The following ATP6V1C2 variants were observed in gnomAD, a reference collection of about 807,000 sequenced individuals.
The protein encoded by ATP6V1C2 is V-type proton ATPase subunit C 2.
A neutral mutation model predicts 56.8 loss-of-function variants in ATP6V1C2; 45 were observed. The observed-to-expected ratio is 0.79, with a 90% CI of 0.62 to 1.02. ATP6V1C2 has a LOEUF of 1.02. ATP6V1C2 is among the 50% of genes least tolerant of loss of function. The pLI, the probability that ATP6V1C2 is intolerant of heterozygous loss-of-function variation, is 0.00. For missense variants in ATP6V1C2, 463 were observed against 519.7 expected (o/e 0.89, Z 1.06); for synonymous variants, 220 against 201.3 (o/e 1.09, Z -0.79).
At chr2:10,747,749 C>G (rs900809320) in intron 3 of ATP6V1C2, among the ~76,000 whole-genome samples, 2 of 152,008 alleles carry the variant, frequency 1.3e-5, no homozygotes, top group African/African-American at 4.8e-5. Context: ...CATATTTTCT[C>G]AGATAATAAT....
At chr2:10,762,145 ATTTT>A in intron 4 of ATP6V1C2, among the ~76,000 whole-genome samples, 1 of 139,786 alleles carries the variant, frequency 7.2e-6, no homozygotes, top group East Asian at 2.1e-4. Context: ...TGAAGCATAA[ATTTT>A]TTTTTTTTTT....
Position 10,778,632 on chromosome 2 carries a change from A to T in ATP6V1C2, c.1024A>T (p.Ile342Phe). 1 of 1,614,150 alleles carries T rather than the reference A, an allele frequency of 6.2e-7. No homozygotes were observed. Among genetic ancestry groups the T allele is most frequent in the Non-Finnish European group, 8.5e-7 (1 of 1,180,002 alleles). The change falls in exon 12 of 14, where the codon ATC (isoleucine) becomes TTC (phenylalanine). Residue 342 changes from isoleucine (I) to phenylalanine (F), a missense_variant. Coordinates refer to ENST00000272238, the MANE Select transcript of ATP6V1C2 (RefSeq NM_001039362.2). The part of the protein sequence containing the change: ...FSEAFIAWIH[I>F]KALRVFVESV... ...TGAAGCCTTCATTGCCTGGATCCAC[A>T]TCAAGGCCCTGAGAGTGTTTGTGGA...
chr2:10,738,148 A>C (rs576429603), intron 3 of ATP6V1C2, among the ~76,000 whole-genome samples: 3 of 152,248 alleles, frequency 2.0e-5, no homozygotes, highest in Admixed American at 2.0e-4. Context: ...TTGTTGTTTG[A>C]AGAGTTAAGA....
chr2:10,725,489 ATTTTTTTTT>A (rs371459373), intron 2 of ATP6V1C2, among the ~76,000 whole-genome samples: 2 of 107,158 alleles, frequency 1.9e-5, no homozygotes, highest in African/African-American at 3.7e-5. Flanking sequence ...CCCAGCAAGA[ATTTTTTTTT>A]TTTTTTTTTT....
chr2:10,748,544 A>G (rs1043881987), intron 3 of ATP6V1C2, among the ~76,000 whole-genome samples: 3 of 152,284 alleles, frequency 2.0e-5, no homozygotes, highest in Admixed American at 6.5e-5. Context: ...CAACATCCCA[A>G]TCAAGGTCTT....
Position 10,726,585 on chromosome 2 carries a change from T to C in ATP6V1C2, c.197+16T>C. On this transcript the variant is annotated intron_variant, in intron 3 of 13. Transcript: ENST00000272238. ...TTGCTGAAAGGTAAAATATTCCTTA[T>C]TTACTACATACAAGTGAGAATTTGA... 1.3e-6 allele frequency: 2 copies of C among 1,599,268 alleles called. No individual in the cohort carries two copies. The highest frequency in any genetic ancestry group is 1.7e-6 in the Non-Finnish European group (2 of 1,166,554).
chr2:10,756,183 C>T (rs535177651), intron 4 of ATP6V1C2, among the ~76,000 whole-genome samples: 8 of 150,998 alleles, frequency 5.3e-5, no homozygotes, highest in Non-Finnish European at 1.0e-4. Context: ...ATGGTGAAAC[C>T]CCATCTCTAC....
intron 3 of ATP6V1C2, among the ~76,000 whole-genome samples, chr2:10,729,438 A>G (rs1362406622): frequency 1.3e-5 from 2 of 152,192 alleles, no homozygotes; most frequent in African/African-American, 4.8e-5. Context: ...ATAGAATAGC[A>G]TGAAAAAAAT....
chr2:10,764,441 G>C lies in ATP6V1C2; in HGVS notation c.378+16G>C. ...AATAGCCAAGGTGAGAAAAGGGACT[G>C]CTCTGGGGAACAGCTGACTGGTGGG... On this transcript the variant is annotated intron_variant, in intron 5 of 13. Transcript: ENST00000272238. The C allele has an allele frequency of 6.2e-7, 1 of 1,609,312 alleles. No homozygotes were observed. The highest frequency in any genetic ancestry group is 8.5e-7 in the Non-Finnish European group (1 of 1,175,762).
At chr2:10,768,278 G>A (rs1003197684) in intron 5 of ATP6V1C2, 12 of 169,282 alleles carry the variant, frequency 7.1e-5, no homozygotes, top group South Asian at 1.5e-4. Flanking sequence ...TCTTGTTTCT[G>A]TCCACTGCAC....
intron 12 of ATP6V1C2, among the ~76,000 whole-genome samples, chr2:10,779,531 C>T (rs144356657): frequency 0.083 from 12,391 of 149,528 alleles, 641 homozygotes; most frequent in South Asian, 0.15. Context: ...ACTAAAAATA[C>T]AAAAATTAGC....
intron 3 of ATP6V1C2, among the ~76,000 whole-genome samples, chr2:10,751,568 T>A (rs1322067319): frequency 1.3e-5 from 2 of 152,178 alleles, no homozygotes; most frequent in Non-Finnish European, 2.9e-5. Flanking sequence ...CAGGATGGGC[T>A]ACAGTGACGG....
At chr2:10,775,544 C>T (rs969167397) in intron 10 of ATP6V1C2, among the ~76,000 whole-genome samples, 1 of 152,194 alleles carries the variant, frequency 6.6e-6, no homozygotes, top group African/African-American at 2.4e-5. Context: ...CGCCACTAGC[C>T]CCTGTATTTA....
intron 4 of ATP6V1C2, among the ~76,000 whole-genome samples, chr2:10,755,095 G>A (rs950560390): frequency 6.6e-6 from 1 of 151,914 alleles, no homozygotes; most frequent in African/African-American, 2.4e-5. Flanking sequence ...TCGGCTCACC[G>A]CAACCTCCCC....
intron 4 of ATP6V1C2, among the ~76,000 whole-genome samples, chr2:10,754,771 G>A (rs1663434742): frequency 6.6e-6 from 1 of 151,324 alleles, no homozygotes; most frequent in Admixed American, 6.6e-5. Flanking sequence ...ATAGAGATGG[G>A]GTTTCACCAT....
upstream of ATP6V1C2, among the ~76,000 whole-genome samples, chr2:10,721,298 G>A (rs902704127): frequency 1.3e-5 from 2 of 152,074 alleles, no homozygotes; most frequent in African/African-American, 4.8e-5. Context: ...GCCGCAGCGG[G>A]AGGGCGGGGT....
At chr2:10,731,193 C>T (rs912197354) in intron 3 of ATP6V1C2, among the ~76,000 whole-genome samples, 4 of 152,196 alleles carry the variant, frequency 2.6e-5, no homozygotes, top group African/African-American at 9.6e-5. Context: ...TAGCAATCCT[C>T]CCACCTTGGC....
rs968156770 is a variant in ATP6V1C2, at chr2:10,776,566, G to A, written c.826-1019G>A. ...TAGGCTCAGCTCACCTGAAACCCTCGCTACCTGGGCACGCCCTGGCTGTTC... is the reference window on the plus strand; with the variant it reads ...TAGGCTCAGCTCACCTGAAACCCTCACTACCTGGGCACGCCCTGGCTGTTC... On this transcript the variant is annotated intron_variant, in intron 10 of 13. Coordinates refer to ENST00000272238, the MANE Select transcript of ATP6V1C2 (RefSeq NM_001039362.2). Among the ~76,000 whole-genome samples the A allele has an allele frequency of 2.6e-5, 4 of 152,304 alleles. No individual in the cohort carries two copies. The East Asian group carries it at 5.8e-4, about 22-fold the overall frequency.
intron 5 of ATP6V1C2, among the ~76,000 whole-genome samples, chr2:10,765,534 C>T (rs1156534505): frequency 1.3e-5 from 2 of 152,252 alleles, no homozygotes; most frequent in Non-Finnish European, 1.5e-5. Flanking sequence ...CTGGCAGCTC[C>T]TGCAGGTCTC....
Sources: gnomAD v4.1 joint callset for allele counts (sites outside exome capture counted in the v4.1 genomes callset) on GRCh38, gnomAD v4.1.1 for gene constraint, MANE v1.5 for transcripts, NCBI Gene and HGNC (gene_info 2026-07-23, HGNC 2026-07-21) for gene names.